ROR2: variants seen among roughly 807,000 people sequenced by gnomAD.
ROR2 encodes the protein tyrosine-protein kinase transmembrane receptor ROR2.
In ROR2, 33 loss-of-function variants were observed where a neutral mutation model predicts 74.9. The ratio of observed to expected loss-of-function variants is 0.44; its 90% CI spans 0.33 to 0.59. ROR2 has a LOEUF of 0.59. ROR2 is among the 20% of genes least tolerant of loss of function. The pLI, the probability that ROR2 is intolerant of heterozygous loss-of-function variation, is 0.02. For missense variants in ROR2, 1,216 were observed against 1,313.8 expected, an observed-to-expected ratio of 0.93 and a Z score of 1.15; for synonymous variants, 586 against 558.7, an observed-to-expected ratio of 1.05 and a Z score of -0.69.
chr9:91,791,505 A>G (rs1826975924), intron 1 of ROR2, among the ~76,000 whole-genome samples: 1 of 152,232 alleles, frequency 6.6e-6, no homozygotes, highest in African/African-American at 2.4e-5. Context: ...GAAACAAAGA[A>G]GGACATTTTA....
At chr9:91,725,615 C>A (rs985773520) in intron 8 of ROR2, among the ~76,000 whole-genome samples, 3 of 152,230 alleles carry the variant, frequency 2.0e-5, no homozygotes, top group African/African-American at 7.2e-5. Flanking sequence ...AGAGTCCAAG[C>A]CAGTTGTTCT....
intron 1 of ROR2, among the ~76,000 whole-genome samples, chr9:91,803,012 T>C (rs1485578101): frequency 6.6e-6 from 1 of 151,946 alleles, no homozygotes; most frequent in Non-Finnish European, 1.5e-5. Context: ...TCACACCCAC[T>C]AAGGCAGCCG....
chr9:91,839,414 T>C (rs1248376162), intron 1 of ROR2, among the ~76,000 whole-genome samples: 2 of 150,256 alleles, frequency 1.3e-5, no homozygotes, highest in Non-Finnish European at 1.5e-5. Flanking sequence ...TGTGGGTCTG[T>C]GGGGTGTGTG....
intron 1 of ROR2, among the ~76,000 whole-genome samples, chr9:91,845,876 TCAAAAAAAA>T (rs1828914469): frequency 5.6e-5 from 1 of 17,734 alleles, no homozygotes; most frequent in Admixed American, 9.6e-4. Context: ...AGAATCCATC[TCAAAAAAAA>T]AAAAAAAAAA....
intron 1 of ROR2, among the ~76,000 whole-genome samples, chr9:91,801,194 G>T (rs1388612428): frequency 6.6e-6 from 1 of 152,056 alleles, no homozygotes; most frequent in South Asian, 2.1e-4. Flanking sequence ...CCTCTGTCTT[G>T]CCATGTTTCC....
chr9:91,923,656 ACT>A (rs962863183), intron 1 of ROR2: 41 of 152,344 alleles, frequency 2.7e-4, no homozygotes, highest in African/African-American at 9.4e-4. Context: ...GTAATCAATA[ACT>A]CATCATTTAT....
chr9:91,912,024 G>A lies in ROR2; in HGVS notation c.97+37843C>T, dbSNP rs146700020. On this transcript the variant is annotated intron_variant, in intron 1 of 8. Coordinates refer to ENST00000375708, the MANE Select transcript of ROR2 (RefSeq NM_004560.4). ...TACTCCTCCAAAGTGTCAAGGTCAG[G>A]AAAACAAGGCAATACTGAGGAACTG... Among the ~76,000 whole-genome samples, 432 of 150,848 alleles carry A rather than the reference G, an allele frequency of 2.9e-3. 2 individuals are homozygous for A. The Middle Eastern group carries it at 0.031, about 11-fold the overall frequency.
intron 1 of ROR2, among the ~76,000 whole-genome samples, chr9:91,832,526 G>T (rs1828492051): frequency 6.6e-6 from 1 of 152,120 alleles, no homozygotes; most frequent in Non-Finnish European, 1.5e-5. Context: ...TTTAAGTAAG[G>T]GAGATAATCT....
At chr9:91,810,093 A>G (rs1400511510) in intron 1 of ROR2, among the ~76,000 whole-genome samples, 1 of 152,254 alleles carries the variant, frequency 6.6e-6, no homozygotes, top group African/African-American at 2.4e-5. Context: ...CAGCAGGCAC[A>G]GGGCCTCCAG....
At chr9:91,925,154 T>C (rs1425169127) in intron 1 of ROR2, among the ~76,000 whole-genome samples, 8 of 151,978 alleles carry the variant, frequency 5.3e-5, no homozygotes. Context: ...CACCTGACCA[T>C]GTTTGCATTT....
At chr9:91,857,344 G>A (rs1375353672) in intron 1 of ROR2, among the ~76,000 whole-genome samples, 2 of 152,198 alleles carry the variant, frequency 1.3e-5, no homozygotes, top group South Asian at 2.1e-4. Flanking sequence ...GTGGGGCCTC[G>A]CCGCCCCGCC....
chr9:91,928,072 C>T (rs1831457149), intron 1 of ROR2, among the ~76,000 whole-genome samples: 1 of 152,136 alleles, frequency 6.6e-6, no homozygotes, highest in Non-Finnish European at 1.5e-5. Flanking sequence ...TAGAGCCCCA[C>T]TTCCCGCCAC....
chr9:91,779,363 C>A (rs1826533515), intron 1 of ROR2, among the ~76,000 whole-genome samples: 1 of 127,700 alleles, frequency 7.8e-6, no homozygotes, highest in Non-Finnish European at 1.6e-5. Flanking sequence ...AACACTTATA[C>A]TTTTCTTTTT....
intron 1 of ROR2, among the ~76,000 whole-genome samples, chr9:91,840,449 T>C (rs1828749209): frequency 6.6e-6 from 1 of 152,128 alleles, no homozygotes; most frequent in Admixed American, 6.5e-5. Context: ...GAGGCCTCTG[T>C]TCATTAAAAT....
intron 5 of ROR2, among the ~76,000 whole-genome samples, chr9:91,735,738 T>C (rs577042505): frequency 2.3e-4 from 34 of 148,662 alleles, no homozygotes; most frequent in Non-Finnish European, 1.5e-5. Flanking sequence ...TGCCTCAGCC[T>C]CCCAAGTAGC....
intron 1 of ROR2, among the ~76,000 whole-genome samples, chr9:91,867,672 G>C (rs970769944): frequency 2.6e-5 from 4 of 151,176 alleles, no homozygotes; most frequent in Admixed American, 2.0e-4. Flanking sequence ...GTGTGTGTGT[G>C]TGTGTGTGTG....
rs372227279 is a variant in ROR2 at position 91,745,034 on chromosome 9, G to A, written c.495-7516C>T. Among the ~76,000 whole-genome samples, 23 of 152,190 alleles carry A rather than the reference G, an allele frequency of 1.5e-4. No individual in the cohort carries two copies. In the East Asian group the frequency reaches 3.8e-3, roughly 25 times the overall value. On this transcript the variant is annotated intron_variant, in intron 4 of 8. Coordinates refer to ENST00000375708, the MANE Select transcript of ROR2 (RefSeq NM_004560.4). ...CAACCTAAAGCGGCATTCCATGTGT[G>A]AGTGCACATCAAGTGTGCACATTTT... is the stretch of plus-strand genomic sequence containing the variant.
chr9:91,762,979 C>T (rs1279649317), intron 2 of ROR2, among the ~76,000 whole-genome samples: 5 of 152,152 alleles, frequency 3.3e-5, no homozygotes, highest in Non-Finnish European at 7.3e-5. Flanking sequence ...TACTTATACA[C>T]CATGGAATAC....
chr9:91,757,252 A>G lies in ROR2; in HGVS notation c.463+20T>C, dbSNP rs766034817. ...AACCTTCATATCTGCTAACCCACACAATTTCACTGTCCAACTCACCCAGCC... is the reference window on the plus strand; with the variant it reads ...AACCTTCATATCTGCTAACCCACACGATTTCACTGTCCAACTCACCCAGCC... On this transcript the variant is annotated intron_variant, in intron 3 of 8. Coordinates refer to ENST00000375708, the MANE Select transcript of ROR2 (RefSeq NM_004560.4). 3.7e-6 allele frequency: 6 copies of G among 1,613,602 alleles called. No homozygotes were observed. The highest frequency in any genetic ancestry group is 1.1e-5 in the South Asian group (1 of 91,050).
Sources: allele counts gnomAD v4.1 joint callset (sites outside exome capture counted in the v4.1 genomes callset), GRCh38; gene constraint gnomAD v4.1.1; transcripts MANE v1.5; gene names NCBI Gene and HGNC (gene_info 2026-07-23, HGNC 2026-07-21).